Variants in KLHL29 observed in about 807,000 individuals in gnomAD.
KLHL29 encodes the protein kelch-like protein 29.
In KLHL29, 21 loss-of-function variants were observed where a neutral mutation model predicts 80.4. That is an observed-to-expected ratio of 0.26 (90% CI 0.19 to 0.38). KLHL29 has a LOEUF of 0.38. KLHL29 is among the 10% of genes least tolerant of loss of function. KLHL29 has a pLI of 1.00. For missense variants in KLHL29, 867 were observed against 1,223.9 expected (o/e 0.71, Z 4.35); for synonymous variants, 511 against 526.8 (o/e 0.97, Z 0.41).
rs1195838484 is a variant in KLHL29, at chr2:23,684,881, C to A, written c.1079+344C>A. Among the ~76,000 whole-genome samples the A allele has an allele frequency of 1.3e-5, 2 of 152,192 alleles. No individual in the cohort carries two copies. Among genetic ancestry groups the A allele is most frequent in the Non-Finnish European group, 2.9e-5 (2 of 68,018 alleles). On this transcript the variant is annotated intron_variant, in intron 6 of 13. Coordinates refer to ENST00000486442, the MANE Select transcript of KLHL29 (RefSeq NM_052920.2). The surrounding 1 kb of genome is among the most constrained non-coding windows in gnomAD (Gnocchi z 4.4). ...CCCTGAGATTAGGGGGGACTGTAGG[C>A]TCCATTTTAAGGGATCACTACACAC... is the stretch of plus-strand genomic sequence containing the variant.
At chr2:23,456,539 G>T (rs1310662023) in intron 1 of KLHL29, among the ~76,000 whole-genome samples, 2 of 152,350 alleles carry the variant, frequency 1.3e-5, no homozygotes, top group East Asian at 1.9e-4. Context: ...CTCTAGTAAG[G>T]CCACGTGATG....
At chr2:23,564,638 C>A (rs2002901) in intron 3 of KLHL29, among the ~76,000 whole-genome samples, 5,586 of 152,320 alleles carry the variant, frequency 0.037, 117 homozygotes, top group Middle Eastern at 0.068. Context: ...GGCTCCTGCC[C>A]ACCCAGAGGC....
chr2:23,608,781 TATTA>T (rs1197701961), intron 3 of KLHL29, among the ~76,000 whole-genome samples: 4 of 152,184 alleles, frequency 2.6e-5, no homozygotes, highest in African/African-American at 9.7e-5. Context: ...CCCCAACTCA[TATTA>T]ATTAAAAATT....
At chr2:23,687,762 G>A (rs1002487815) in intron 6 of KLHL29, among the ~76,000 whole-genome samples, 1 of 152,202 alleles carries the variant, frequency 6.6e-6, no homozygotes, top group African/African-American at 2.4e-5. Context: ...GGCGGGAGGG[G>A]GTCTCAGGTC....
At chr2:23,446,071 TTA>T (rs1183078386) in intron 1 of KLHL29, among the ~76,000 whole-genome samples, 1 of 152,196 alleles carries the variant, frequency 6.6e-6, no homozygotes, top group African/African-American at 2.4e-5. Flanking sequence ...TATTTTTATT[TTA>T]TCAGTCTTGT....
At chr2:23,586,771 C>T (rs1274707522) in intron 3 of KLHL29, among the ~76,000 whole-genome samples, 3 of 152,252 alleles carry the variant, frequency 2.0e-5, no homozygotes, top group South Asian at 4.2e-4. Flanking sequence ...CCTTGGTGCC[C>T]CTCAGCCTCG....
At chr2:23,615,199 C>A (rs540533452) in intron 3 of KLHL29, among the ~76,000 whole-genome samples, 1 of 151,932 alleles carries the variant, frequency 6.6e-6, no homozygotes, top group Non-Finnish European at 1.5e-5. Context: ...TCCTCACAAG[C>A]CCGGGGGCAG....
At chr2:23,670,865 T>C (rs1670698473) in intron 5 of KLHL29, among the ~76,000 whole-genome samples, 3 of 141,912 alleles carry the variant, frequency 2.1e-5, no homozygotes, top group South Asian at 4.5e-4. Context: ...TGGAAGACCA[T>C]GAAGGGCACA....
intron 6 of KLHL29, among the ~76,000 whole-genome samples, chr2:23,687,326 C>T (rs968455090): frequency 6.6e-6 from 1 of 152,218 alleles, no homozygotes; most frequent in Non-Finnish European, 1.5e-5. Context: ...AGACTAGACT[C>T]CCACCACCAG....
chr2:23,500,430 G>T (rs1337567311), intron 2 of KLHL29, among the ~76,000 whole-genome samples: 2 of 152,162 alleles, frequency 1.3e-5, no homozygotes, highest in Non-Finnish European at 2.9e-5. Context: ...ATACCACTTG[G>T]TATCATTTTA....
chr2:23,406,883 G>A (rs1401417516), intron 1 of KLHL29, among the ~76,000 whole-genome samples: 1 of 152,022 alleles, frequency 6.6e-6, no homozygotes, highest in African/African-American at 2.4e-5. Flanking sequence ...GTTCTTTATG[G>A]AAAATTTTAA....
chr2:23,684,527 C>A lies in KLHL29; in HGVS notation c.1069C>A (p.Leu357Met). The change falls in exon 6 of 14, where the codon CTG becomes ATG. Residue 357 changes from leucine (L) to methionine (M), a missense_variant. Coordinates refer to ENST00000486442, the MANE Select transcript of KLHL29 (RefSeq NM_052920.2). This position sits in a 1 kb window ranked among gnomAD's most constrained non-coding sequence, Gnocchi z 4.4. ...LASCSLYFKD[L>M]IQRSVQDSGQ... is the part of the protein sequence containing the mutation. ...TTCCTGCAGCTTGTATTTCAAGGAC[C>A]TGATTCAAAGGTTTGCCTTCCTTCC... is the stretch of plus-strand genomic sequence containing the variant. The A allele has an allele frequency of 6.5e-7, 1 of 1,547,408 alleles. No individual in the cohort carries two copies. The highest frequency in any genetic ancestry group is 8.7e-7 in the Non-Finnish European group (1 of 1,145,832).
chr2:23,696,556 C>T lies in KLHL29; in HGVS notation c.2105+43C>T. ...AGGACAGGGGCATGCTCTTTGCTCA[C>T]CAAGAACTGAAATCACGTCACTCAC... On this transcript the variant is annotated intron_variant, in intron 11 of 13. Transcript: ENST00000486442. This position sits in a 1 kb window ranked among gnomAD's most constrained non-coding sequence, Gnocchi z 5.5. 7.0e-7 allele frequency: 1 copy of T among 1,432,012 alleles called. No homozygotes were observed. Among genetic ancestry groups the T allele is most frequent in the Non-Finnish European group, 9.3e-7 (1 of 1,071,736 alleles). The allele number at this position is 1,432,012 out of a possible 1,614,324, so 88.7% of individuals were successfully genotyped here. A position where few individuals can be genotyped will look rare whatever the true frequency, so the allele number is the denominator to read the frequency against.
At chr2:23,510,405 G>A (rs906172943) in intron 2 of KLHL29, among the ~76,000 whole-genome samples, 6 of 152,130 alleles carry the variant, frequency 3.9e-5, no homozygotes, top group South Asian at 2.1e-4. Context: ...GTGAGCACCT[G>A]ACCCTTCTAT....
At position 23,523,286 on chromosome 2, in the gene KLHL29, T is replaced by C. The variant is rs73919737; in HGVS notation, c.-45-38866T>C. Among the ~76,000 whole-genome samples the C allele has an allele frequency of 2.7e-3, 406 of 152,316 alleles. 3 individuals carry two copies. The highest frequency in any genetic ancestry group is 9.5e-3 in the African/African-American group (393 of 41,582). On this transcript the variant is annotated intron_variant, in intron 2 of 13. Coordinates refer to ENST00000486442, the MANE Select transcript of KLHL29 (RefSeq NM_052920.2). ...GCAGAAAGGGAGCAGAGCCATTTTGTAGAGCGAGTTTTCCAACCCCTCTTA... is the reference window on the plus strand; with the variant it reads ...GCAGAAAGGGAGCAGAGCCATTTTGCAGAGCGAGTTTTCCAACCCCTCTTA...
Position 23,412,202 on chromosome 2 carries a change from G to A in KLHL29, c.-154+26422G>A, listed in dbSNP as rs551869677. On this transcript the variant is annotated intron_variant, in intron 1 of 13. Transcript: ENST00000486442. ...AGACCACTGGGCTGGACAGTTCCAGGGTTGGGGTGCTGTGGGCTTGTCGAG... is the reference window on the plus strand; with the variant it reads ...AGACCACTGGGCTGGACAGTTCCAGAGTTGGGGTGCTGTGGGCTTGTCGAG... 7.4e-4 allele frequency among the ~76,000 whole-genome samples: 113 copies of A among 151,874 alleles called. 1 individual carries two copies. The highest frequency in any genetic ancestry group is 3.1e-3 in the South Asian group (15 of 4,810).
chr2:23,441,377 C>A (rs1663516534), intron 1 of KLHL29, among the ~76,000 whole-genome samples: 1 of 151,092 alleles, frequency 6.6e-6, no homozygotes. Context: ...ATACTTAATG[C>A]TAAATGATGA....
intron 3 of KLHL29, among the ~76,000 whole-genome samples, chr2:23,597,305 ATATATG>A (rs1668434956): frequency 4.1e-5 from 4 of 97,580 alleles, no homozygotes; most frequent in South Asian, 3.6e-4. Context: ...TCATATATAT[ATATATG>A]TGTGTGTGTG....
chr2:23,618,877 T>G (rs938796841), intron 3 of KLHL29, among the ~76,000 whole-genome samples: 1 of 152,102 alleles, frequency 6.6e-6, no homozygotes, highest in Admixed American at 6.5e-5. Context: ...CCCAAAGTAT[T>G]TGGAAGGAAG....
Sources: allele counts gnomAD v4.1 joint callset (sites outside exome capture counted in the v4.1 genomes callset), GRCh38; gene constraint gnomAD v4.1.1; non-coding constraint Gnocchi (gnomAD v3.1); transcripts MANE v1.5; gene names NCBI Gene and HGNC (gene_info 2026-07-23, HGNC 2026-07-21).